Variants in KNG1 observed in about 807,000 individuals in gnomAD.
KNG1 encodes the protein kininogen-1.
Under a neutral mutation model 47.8 loss-of-function variants are expected in KNG1, and 23 were observed. The ratio of observed to expected loss-of-function variants is 0.48; its 90% confidence interval spans 0.35 to 0.68. KNG1 has a LOEUF of 0.68. Ranked by LOEUF, KNG1 falls within the 30% of genes least tolerant of loss-of-function variation. KNG1 has a pLI of 0.01. For missense variants in KNG1, 762 were observed against 790.2 expected (o/e 0.96, Z 0.43); for synonymous variants, 277 against 277.0 (o/e 1.00, Z 0.00).
chr3:186,721,623 G>C (rs1362679964), intron 2 of KNG1: 1 of 152,252 alleles, frequency 6.6e-6, no homozygotes. Flanking sequence ...GAGTCAAGGG[G>C]ACATGACAGA....
intron 2 of KNG1, chr3:186,721,625 C>T (rs1720200564): frequency 6.6e-6 from 1 of 152,216 alleles, no homozygotes; most frequent in Non-Finnish European, 1.5e-5. Context: ...GTCAAGGGGA[C>T]ATGACAGAGT....
intron 7 of KNG1, chr3:186,735,964 G>A (rs1357833108): frequency 6.6e-6 from 1 of 152,162 alleles, no homozygotes; most frequent in East Asian, 1.9e-4. Flanking sequence ...TATTCTGAAT[G>A]TTGTAGGAAT....
intron 9 of KNG1, among the ~76,000 whole-genome samples, chr3:186,740,505 A>C (rs1720782320): frequency 2.0e-5 from 3 of 152,198 alleles, no homozygotes; most frequent in Admixed American, 1.3e-4. Context: ...GACTCCAATG[A>C]CCATGTTCTT....
chr3:186,743,737 A>AC lies in KNG1; in HGVS notation c.*1411dup, dbSNP rs780948910. The AC allele has an allele frequency of 1.2e-6, 2 of 1,613,984 alleles. No individual in the cohort carries two copies. Among genetic ancestry groups the AC allele is most frequent in the East Asian group, 4.5e-5 (2 of 44,876 alleles). On this transcript the variant is annotated 3_prime_UTR_variant, in exon 10 of 10. Transcript: ENST00000644859. ...TAAGGTCCTGCGAGTACAAGGGTCG[A>AC]CCCCCAAAGGCAGGGGCAGAGCCAG...
At chr3:186,718,721 A>T (rs1038103493) in intron 1 of KNG1, among the ~76,000 whole-genome samples, 9 of 152,006 alleles carry the variant, frequency 5.9e-5, no homozygotes, top group Non-Finnish European at 1.3e-4. Context: ...CTTTAATGGG[A>T]GGGGGTACTT....
At chr3:186,723,766 AGCC>A (rs1720272243) in intron 3 of KNG1, among the ~76,000 whole-genome samples, 1 of 151,728 alleles carries the variant, frequency 6.6e-6, no homozygotes, top group Non-Finnish European at 1.5e-5. Flanking sequence ...CTCCAGCCTC[AGCC>A]TCAGCCTCCT....
intron 4 of KNG1, among the ~76,000 whole-genome samples, chr3:186,726,109 TTAG>T (rs1284417638): frequency 6.6e-6 from 1 of 151,788 alleles, no homozygotes; most frequent in East Asian, 1.9e-4. Flanking sequence ...TTTTGTATTT[TTAG>T]TAGAGACGAG....
intron 6 of KNG1, among the ~76,000 whole-genome samples, chr3:186,731,831 GA>G (rs1214740456): frequency 6.6e-6 from 1 of 152,200 alleles, no homozygotes; most frequent in African/African-American, 2.4e-5. Flanking sequence ...GTTCTTGTCA[GA>G]ATGGTTTATG....
chr3:186,725,369 G>A (rs1720330112), intron 4 of KNG1, 109 bp downstream of exon 4: 15 of 1,072,626 alleles, frequency 1.4e-5, no homozygotes, highest in Non-Finnish European at 2.0e-5. Flanking sequence ...GACTAGCACA[G>A]GAAGCGAAGA....
chr3:186,727,393 T>A, intron 5 of KNG1, 49 bp downstream of exon 5: 1 of 1,237,432 alleles, frequency 8.1e-7, no homozygotes, highest in Non-Finnish European at 1.2e-6. Flanking sequence ...TTTGTTTACA[T>A]TTTGTGGTAA....
intron 7 of KNG1, among the ~76,000 whole-genome samples, chr3:186,733,589 G>A (rs989193652): frequency 2.6e-5 from 4 of 152,084 alleles, no homozygotes; most frequent in Non-Finnish European, 5.9e-5. Flanking sequence ...AGCATCTGCC[G>A]CTCACATCCC....
In KNG1 at chr3:186,743,450, T is replaced by G. The variant is rs1720865438; in HGVS notation, c.*1119T>G. On this transcript the variant is annotated 3_prime_UTR_variant, in exon 10 of 10. Transcript: ENST00000644859. ...AAGGTATATGCTTTATAACCAATGTTGTACTTTTGCCTAGAAAAACAAGAT... is the reference window on the plus strand; with the variant it reads ...AAGGTATATGCTTTATAACCAATGTGGTACTTTTGCCTAGAAAAACAAGAT... 1 of 494,752 alleles carries G rather than the reference T, an allele frequency of 2.0e-6. No homozygotes were observed. Among genetic ancestry groups the G allele is most frequent in the Non-Finnish European group, 3.7e-6 (1 of 271,654 alleles). 30.6% of individuals were successfully genotyped at this position (494,752 alleles called of 1,614,324 possible). A position where few individuals can be genotyped will look rare whatever the true frequency, so the allele number is the denominator to read the frequency against.
intron 5 of KNG1, among the ~76,000 whole-genome samples, chr3:186,729,390 A>G (rs537038430): frequency 1.7e-4 from 26 of 152,374 alleles, no homozygotes; most frequent in African/African-American, 6.3e-4. Context: ...CTATAGCAGC[A>G]AAATTCATAA....
At chr3:186,739,286 G>A (rs1720745300) in intron 8 of KNG1, 42 bp from the exon 9 acceptor site, 1 of 1,580,722 alleles carries the variant, frequency 6.3e-7, no homozygotes. Context: ...AATGTCTCGT[G>A]AATAACACTG....
In KNG1 at chr3:186,744,338, A is replaced by G. The variant is rs1720886467; in HGVS notation, c.*2007A>G. On this transcript the variant is annotated 3_prime_UTR_variant, in exon 10 of 10. Coordinates refer to ENST00000644859, the MANE Select transcript of KNG1 (RefSeq NM_001102416.3). ...CTATCAGAAAATACTCAACCTCCAAACAATTTGAAATTATCTTTCTGATCC... is the reference window on the plus strand; with the variant it reads ...CTATCAGAAAATACTCAACCTCCAAGCAATTTGAAATTATCTTTCTGATCC... The G allele has an allele frequency of 6.5e-6, 1 of 153,874 alleles. No homozygotes were observed. The highest frequency in any genetic ancestry group is 2.4e-5 in the African/African-American group (1 of 41,472). The allele number at this position is 153,874 out of a possible 1,614,324, so 9.5% of individuals were successfully genotyped here. A position where few individuals can be genotyped will look rare whatever the true frequency, so the allele number is the denominator to read the frequency against.
At chr3:186,733,801 T>G (rs1720603453) in intron 7 of KNG1, among the ~76,000 whole-genome samples, 1 of 152,114 alleles carries the variant, frequency 6.6e-6, no homozygotes, top group African/African-American at 2.4e-5. Flanking sequence ...AAACCTCATC[T>G]CTACTAAAAA....
intron 3 of KNG1, among the ~76,000 whole-genome samples, chr3:186,723,303 T>C (rs992530032): frequency 2.6e-5 from 4 of 152,244 alleles, no homozygotes; most frequent in South Asian, 2.1e-4. Context: ...CTTTGAAATA[T>C]ACAATATATT....
chr3:186,722,614 A>T, intron 3 of KNG1, 93 bp downstream of exon 3: 1 of 1,003,034 alleles, frequency 1.0e-6, no homozygotes. Flanking sequence ...GCTTGCTCCC[A>T]GAGGGTGGCA....
intron 3 of KNG1, among the ~76,000 whole-genome samples, chr3:186,724,255 T>C (rs1427977328): frequency 1.3e-5 from 2 of 152,226 alleles, no homozygotes; most frequent in Non-Finnish European, 2.9e-5. Flanking sequence ...ACCGCTTACA[T>C]GGCAGGCAGC....
Sources: allele counts gnomAD v4.1 joint callset (sites outside exome capture counted in the v4.1 genomes callset), GRCh38; gene constraint gnomAD v4.1.1; transcripts MANE v1.5; gene names NCBI Gene and HGNC (gene_info 2026-07-23, HGNC 2026-07-21).